RBPMS: variants seen among roughly 807,000 people sequenced by gnomAD.
RBPMS encodes RNA binding protein, mRNA processing factor.
A neutral mutation model predicts 26.8 loss-of-function variants in RBPMS; 7 were observed. That is an observed-to-expected ratio of 0.26 (90% CI 0.15 to 0.49). RBPMS has a LOEUF of 0.49. RBPMS is among the 20% of genes least tolerant of loss of function. The probability of loss-of-function intolerance (pLI) is 0.98; values close to 1 mark genes in which losing one functional copy is unlikely to be tolerated. For missense variants in RBPMS, 186 were observed against 250.0 expected (o/e 0.74, Z 1.73); for synonymous variants, 96 against 93.3 (o/e 1.03, Z -0.17).
Position 30,385,000 on chromosome 8 carries a change from C to G in RBPMS, c.-93C>G. The G allele has an allele frequency of 1.0e-6, 1 of 1,004,276 alleles. No individual in the cohort carries two copies. The highest frequency in any genetic ancestry group is 1.4e-6 in the Non-Finnish European group (1 of 738,470). 62.2% of individuals were successfully genotyped at this position (1,004,276 alleles called of 1,614,324 possible). On this transcript the variant is annotated 5_prime_UTR_variant, in exon 1 of 9. Transcript: ENST00000397323. This position sits in a 1 kb window ranked among gnomAD's most constrained non-coding sequence, Gnocchi z 5.6. ...GCCCGCGGCGCCCGCCCGAGGGAGC[C>G]CCGGCGCCCGGGGAAGGCTCCAGTG...
intron 4 of RBPMS, among the ~76,000 whole-genome samples, chr8:30,488,250 T>G (rs1819003001): frequency 6.6e-6 from 1 of 152,172 alleles, no homozygotes; most frequent in Non-Finnish European, 1.5e-5. Flanking sequence ...TCAAGTTACT[T>G]TATAACAAAG....
intron 1 of RBPMS, among the ~76,000 whole-genome samples, chr8:30,419,302 C>T (rs1025141784): frequency 1.8e-4 from 27 of 151,924 alleles, no homozygotes; most frequent in African/African-American, 6.3e-4. Flanking sequence ...AAAAATTATC[C>T]GGGCATGGTG....
chr8:30,557,490 G>A (rs1011517202), intron 6 of RBPMS, among the ~76,000 whole-genome samples: 1 of 152,210 alleles, frequency 6.6e-6, no homozygotes, highest in African/African-American at 2.4e-5. Context: ...GCCCACACCT[G>A]TAAAACAAGG....
intron 1 of RBPMS, among the ~76,000 whole-genome samples, chr8:30,446,106 C>G (rs938491796): frequency 6.6e-6 from 1 of 152,146 alleles, no homozygotes. Context: ...AGGCTTGTTT[C>G]TTTGTATACA....
chr8:30,448,927 C>A (rs1814199881), intron 1 of RBPMS, among the ~76,000 whole-genome samples: 1 of 152,194 alleles, frequency 6.6e-6, no homozygotes, highest in Non-Finnish European at 1.5e-5. Context: ...TGGGGGGGAA[C>A]TTTGCTGTCT....
chr8:30,481,616 A>G (rs765293545), intron 4 of RBPMS, among the ~76,000 whole-genome samples: 5 of 151,224 alleles, frequency 3.3e-5, no homozygotes, highest in African/African-American at 1.2e-4. Context: ...ATAGTTTGCT[A>G]CTTATGTGTT....
intron 4 of RBPMS, among the ~76,000 whole-genome samples, chr8:30,493,959 A>C (rs1338713325): frequency 6.6e-6 from 1 of 152,206 alleles, no homozygotes; most frequent in Admixed American, 6.5e-5. Context: ...TAACACAAAA[A>C]GTAAGTGTGT....
intron 7 of RBPMS, among the ~76,000 whole-genome samples, chr8:30,562,908 T>C (rs1827617436): frequency 6.6e-6 from 1 of 152,146 alleles, no homozygotes; most frequent in Non-Finnish European, 1.5e-5. Flanking sequence ...TAAAGAGAAA[T>C]CAGTGACTAG....
intron 5 of RBPMS, among the ~76,000 whole-genome samples, chr8:30,504,913 A>C (rs1005172719): frequency 7.9e-5 from 12 of 152,358 alleles, no homozygotes; most frequent in Admixed American, 2.0e-4. Flanking sequence ...GGGAAAAGTA[A>C]ACACATACAA....
At chr8:30,454,844 A>T (rs180690801) in intron 1 of RBPMS, among the ~76,000 whole-genome samples, 1 of 152,028 alleles carries the variant, frequency 6.6e-6, no homozygotes, top group African/African-American at 2.4e-5. Flanking sequence ...TTTTTTTGAG[A>T]CAGAGTCTTA....
chr8:30,495,922 G>A (rs778268989), intron 4 of RBPMS, among the ~76,000 whole-genome samples: 1 of 152,134 alleles, frequency 6.6e-6, no homozygotes, highest in Non-Finnish European at 1.5e-5. Flanking sequence ...ACACACACAC[G>A]CTCTATTGGG....
intron 4 of RBPMS, among the ~76,000 whole-genome samples, chr8:30,501,877 C>G (rs1314786126): frequency 1.3e-5 from 2 of 152,134 alleles, no homozygotes; most frequent in African/African-American, 4.8e-5. Flanking sequence ...TGTCTTCTTC[C>G]TATCTGCCTC....
At chr8:30,536,961 G>C (rs994543749) in intron 5 of RBPMS, among the ~76,000 whole-genome samples, 3 of 152,148 alleles carry the variant, frequency 2.0e-5, no homozygotes, top group African/African-American at 7.2e-5. Flanking sequence ...CAAAATCCAG[G>C]CTCGCAGAGA....
chr8:30,478,220 C>G (rs901308100), intron 3 of RBPMS, among the ~76,000 whole-genome samples: 15 of 152,086 alleles, frequency 9.9e-5, no homozygotes, highest in Non-Finnish European at 1.3e-4. Flanking sequence ...CTGTCAAACC[C>G]CTAAATTAAG....
intron 3 of RBPMS, among the ~76,000 whole-genome samples, chr8:30,478,417 G>A (rs1272159337): frequency 2.6e-5 from 4 of 152,010 alleles, no homozygotes; most frequent in African/African-American, 4.8e-5. Flanking sequence ...GATCTTGGAG[G>A]CACCCTTCTG....
At chr8:30,465,040 T>C (rs941707844) in intron 1 of RBPMS, among the ~76,000 whole-genome samples, 13 of 152,150 alleles carry the variant, frequency 8.5e-5, no homozygotes, top group African/African-American at 3.1e-4. Flanking sequence ...CTGACTAGGG[T>C]TGAAATAGAG....
rs78638602 is a variant in RBPMS, at chr8:30,502,971, G to A, written c.247-1315G>A. Among the ~76,000 whole-genome samples the A allele has an allele frequency of 5.8e-4, 88 of 152,238 alleles. 4 individuals carry two copies. In the East Asian group the frequency reaches 0.014, roughly 24 times the overall value. The stretch of plus-strand genomic sequence containing the variant: ...TTGGTGTTGATTAGGTATGCACAAG[G>A]GTATTCTCCACATCCCTTTTGCTAC... On this transcript the variant is annotated intron_variant, in intron 4 of 8. Coordinates refer to ENST00000397323, the MANE Select transcript of RBPMS (RefSeq NM_001008710.3).
chr8:30,477,272 A>C (rs142571293), intron 2 of RBPMS, among the ~76,000 whole-genome samples: 1 of 152,138 alleles, frequency 6.6e-6, no homozygotes, highest in African/African-American at 2.4e-5. Flanking sequence ...GATGGTCTCG[A>C]TCTCCAGACC....
chr8:30,530,062 C>A (rs1824051331), intron 5 of RBPMS, among the ~76,000 whole-genome samples: 1 of 152,026 alleles, frequency 6.6e-6, no homozygotes, highest in South Asian at 2.1e-4. Flanking sequence ...GCCAGAACTT[C>A]ATCCCTTTTT....
Sources: gnomAD v4.1 joint callset for allele counts (sites outside exome capture counted in the v4.1 genomes callset) on GRCh38, gnomAD v4.1.1 for gene constraint, Gnocchi (gnomAD v3.1) non-coding constraint, MANE v1.5 for transcripts, NCBI Gene and HGNC (gene_info 2026-07-23, HGNC 2026-07-21) for gene names.